Variants in KRT74 observed in about 807,000 individuals in gnomAD.
KRT74 encodes keratin 74, also known as keratin, type II cytoskeletal 74.
A neutral mutation model predicts 42.7 loss-of-function variants in KRT74; 43 were observed. The observed-to-expected ratio is 1.01, with a 90% CI of 0.79 to 1.30. The LOEUF is 1.30. Among genes scored for constraint, KRT74 ranks in the 50% most tolerant of loss-of-function variants. The pLI is 0.00. For missense variants in KRT74, 736 were observed against 689.1 expected, an observed-to-expected ratio of 1.07 and a Z score of -0.76; for synonymous variants, 302 against 279.0, an observed-to-expected ratio of 1.08 and a Z score of -0.82.
rs369555885 is a variant in KRT74, at chr12:52,569,945, C to T, written c.1048G>A (p.Asp350Asn). The T allele has an allele frequency of 1.1e-5, 18 of 1,614,120 alleles. No individual in the cohort carries two copies. The highest frequency in any genetic ancestry group is 9.9e-5 in the South Asian group (9 of 91,082). Residue 350 changes from aspartate to asparagine, a missense_variant, in exon 6 of 9, where the codon GAC becomes AAC. Physicochemically the swap from Asp to Asn is conservative, Grantham distance 23. Coordinates refer to ENST00000305620, the MANE Select transcript of KRT74 (RefSeq NM_175053.4). ...LQLAASRHGDDLKHTRSEMVE... is the reference protein window; with the variant it reads ...LQLAASRHGDNLKHTRSEMVE... Reference sequence around the variant, plus strand: ...ATCTCGCTCCTGGTGTGTTTCAGGTCGTCACCATGCCGACTGGCTGCCAGC... The same window carrying T: ...ATCTCGCTCCTGGTGTGTTTCAGGTTGTCACCATGCCGACTGGCTGCCAGC...
At chr12:52,568,622 T>G in intron 6 of KRT74, 1 of 590,206 alleles carries the variant, frequency 1.7e-6, no homozygotes, top group Non-Finnish European at 3.0e-6. Flanking sequence ...CAGGAAGAAA[T>G]GTCGATGTTT....
chr12:52,568,092 G>T, intron 7 of KRT74, 77 bp downstream of exon 7: 2 of 1,514,174 alleles, frequency 1.3e-6, no homozygotes, highest in East Asian at 4.5e-5. Context: ...TAACCATGTT[G>T]TTCTCCAGGT....
intron 1 of KRT74, 78 bp from the exon 2 acceptor site, chr12:52,572,745 A>C (rs1939510319): frequency 3.0e-6 from 4 of 1,329,318 alleles, no homozygotes; most frequent in South Asian, 2.4e-5. Flanking sequence ...TTGACTCCCC[A>C]GGTTTGCCAT....
Position 52,571,473 on chromosome 12 carries a change from G to A in KRT74, c.748-19C>T, listed in dbSNP as rs750849480. On this transcript the variant is annotated intron_variant, in intron 3 of 8. Coordinates refer to ENST00000305620, the MANE Select transcript of KRT74 (RefSeq NM_175053.4). The stretch of plus-strand genomic sequence containing the variant: ...CTGCATCCTGCCAAGAGGCCCCAGA[G>A]TCATTGGGGGATGCAACCCTCATCC... 2 of 1,581,758 alleles carry A rather than the reference G, an allele frequency of 1.3e-6. No homozygotes were observed. The highest frequency in any genetic ancestry group is 1.1e-5 in the South Asian group (1 of 90,410).
chr12:52,572,264 G>T (rs1939497866), intron 2 of KRT74, among the ~76,000 whole-genome samples, 189 bp downstream of exon 2: 1 of 152,142 alleles, frequency 6.6e-6, no homozygotes, highest in Admixed American at 6.5e-5. Flanking sequence ...CACAGGAACC[G>T]CTTCCTATCA....
rs1471786789 is a variant in KRT74 at position 52,572,666 on chromosome 12, A to G, written c.473T>C (p.Val158Ala). 1 of 1,614,028 alleles carries G rather than the reference A, an allele frequency of 6.2e-7. No homozygotes were observed. Among genetic ancestry groups the G allele is most frequent in the Non-Finnish European group, 8.5e-7 (1 of 1,179,944 alleles). The stretch of plus-strand genomic sequence containing the variant: ...CTGGTTCTGCTGCTCTAGGAAGCGT[A>G]CCTGGAACCCAAATCAACAGACACC... ...NDKFASFIDK[V>A]RFLEQQNQVL... The change falls in exon 2 of 9, where the codon GTA becomes GCA. Residue 158 changes from valine (V) to alanine (A), a missense_variant and splice_region_variant. By Grantham distance (64) the Val-to-Ala change is moderately conservative. Transcript: ENST00000305620.
rs764079554 is a variant in KRT74, at chr12:52,568,269, C to T, written c.1255G>A (p.Ala419Thr). The T allele has an allele frequency of 6.2e-7, 1 of 1,614,208 alleles. No homozygotes were observed. The highest frequency in any genetic ancestry group is 1.1e-5 in the South Asian group (1 of 91,090). Reference protein sequence around the residue: ...GALHQAKEELARMLREYQELM... With the variant: ...GALHQAKEELTRMLREYQELM... Reference sequence around the variant, plus strand: ...TCCTGGTACTCGCGCAGCATCCGCGCCAGCTCCTCCTTGGCCTGGTGCAGG... The same window carrying T: ...TCCTGGTACTCGCGCAGCATCCGCGTCAGCTCCTCCTTGGCCTGGTGCAGG... The change falls in exon 7 of 9, where the codon GCG (alanine) becomes ACG (threonine). Residue 419 changes from alanine to threonine, a missense_variant. Coordinates refer to ENST00000305620, the MANE Select transcript of KRT74 (RefSeq NM_175053.4).
At chr12:52,570,555 G>A in intron 5 of KRT74, 114 bp downstream of exon 5, 4 of 1,159,218 alleles carry the variant, frequency 3.5e-6, no homozygotes, top group Non-Finnish European at 5.1e-6. Context: ...AGCCTTGGTT[G>A]GAACCTTTCT....
At chr12:52,570,120 G>T (rs758718571) in intron 5 of KRT74, 136 bp from the exon 6 acceptor site, 2 of 977,316 alleles carry the variant, frequency 2.0e-6, no homozygotes, top group Non-Finnish European at 3.1e-6. Flanking sequence ...CAGGGTCCTG[G>T]GGGCCCAGGT....
At chr12:52,573,150 C>T (rs1381350803) in intron 1 of KRT74, among the ~76,000 whole-genome samples, 157 bp downstream of exon 1, 4 of 152,186 alleles carry the variant, frequency 2.6e-5, no homozygotes, top group East Asian at 1.9e-4. Context: ...CTTTGTCCTC[C>T]GTGGCTCACA....
At chr12:52,572,739 C>G (rs1592214333) in intron 1 of KRT74, 72 bp from the exon 2 acceptor site, 2 of 1,378,522 alleles carry the variant, frequency 1.5e-6, no homozygotes, top group East Asian at 2.3e-5. Context: ...ACACCATTGA[C>G]TCCCCAGGTT....
At position 52,566,469 on chromosome 12, in the gene KRT74, A is replaced by G. The variant is rs1939383020; in HGVS notation, c.*500T>C. Reference sequence around the variant, plus strand: ...TACAGATGTACACGTGGTGTCCTAAATATTGGCGTCATCCTGCAAAGTTGT... The same window carrying G: ...TACAGATGTACACGTGGTGTCCTAAGTATTGGCGTCATCCTGCAAAGTTGT... On this transcript the variant is annotated 3_prime_UTR_variant, in exon 9 of 9. Transcript: ENST00000305620. 6.5e-6 allele frequency: 1 copy of G among 153,374 alleles called. No individual in the cohort carries two copies. Among genetic ancestry groups the G allele is most frequent in the Admixed American group, 6.5e-5 (1 of 15,322 alleles). 9.5% of individuals were successfully genotyped at this position (153,374 alleles called of 1,614,324 possible).
chr12:52,573,699 C>T lies in KRT74; in HGVS notation c.79G>A (p.Ala27Thr), dbSNP rs779980896. 7.4e-6 allele frequency: 12 copies of T among 1,614,198 alleles called. No individual in the cohort carries two copies. Among genetic ancestry groups the T allele is most frequent in the Non-Finnish European group, 1.0e-5 (12 of 1,180,048 alleles). Residue 27 changes from alanine to threonine, a missense_variant, in exon 1 of 9, where the codon GCT becomes ACT. Transcript: ENST00000305620. ...SVHSAVVPRK[A>T]VGSLASYCAA... The stretch of plus-strand genomic sequence containing the variant: ...CAGTAAGAAGCCAGGCTACCCACAG[C>T]CTTCCTTGGCACCACTGCCGAATGC...
rs556961997 is a variant in KRT74 at position 52,571,574 on chromosome 12, A to G, written c.748-120T>C. On this transcript the variant is annotated intron_variant, in intron 3 of 8. Coordinates refer to ENST00000305620, the MANE Select transcript of KRT74 (RefSeq NM_175053.4). ...TCTACCCACAAAGGAAAGCTCACTC[A>G]ATATCAATTTCTTCTCAGGCTGCCT... 1.8e-5 allele frequency: 14 copies of G among 760,346 alleles called. No individual in the cohort carries two copies. The African/African-American group carries it at 2.2e-4, about 12-fold the overall frequency. The allele number at this position is 760,346 out of a possible 1,614,324, so 47.1% of individuals were successfully genotyped here.
Position 52,573,415 on chromosome 12 carries a change from G to T in KRT74, c.363C>A (p.Leu121=), listed in dbSNP as rs1358925791. 7 of 1,614,198 alleles carry T rather than the reference G, an allele frequency of 4.3e-6. No homozygotes were observed. The highest frequency in any genetic ancestry group is 5.9e-6 in the Non-Finnish European group (7 of 1,180,048). The change falls in exon 1 of 9, where the codon CTC becomes CTA. Residue 121 remains leucine, a synonymous_variant. Coordinates refer to ENST00000305620, the MANE Select transcript of KRT74 (RefSeq NM_175053.4). ...GIHQVTVNKS[L]LAPLNVELDP... The stretch of plus-strand genomic sequence containing the variant: ...CCAGCTCCACGTTGAGGGGGGCCAA[G>T]AGGCTCTTGTTGACAGTGACCTGGT...
intron 6 of KRT74, among the ~76,000 whole-genome samples, chr12:52,569,110 G>A (rs925198302): frequency 2.6e-5 from 4 of 152,162 alleles, no homozygotes; most frequent in African/African-American, 9.7e-5. Flanking sequence ...AAGGAGAACA[G>A]GCTCAGATCT....
chr12:52,567,230 G>A, intron 8 of KRT74, 62 bp from the exon 9 acceptor site: 1 of 1,376,920 alleles, frequency 7.3e-7, no homozygotes, highest in South Asian at 1.4e-5. Context: ...TAACAGCTAT[G>A]GTAACGGCTG....
Position 52,572,631 on chromosome 12 carries a change from T to C in KRT74, c.508A>G (p.Thr170Ala). The change falls in exon 2 of 9, where the codon ACC (threonine) becomes GCC (alanine). Residue 170 changes from threonine to alanine, a missense_variant. Physicochemically the swap from Thr to Ala is moderately conservative, Grantham distance 58 (BLOSUM62 0). Transcript: ENST00000305620. ...AGCTGCTGCAGCAGCTCCCACTTGG[T>C]TTCTAGAACCTGGTTCTGCTGCTCT... is the stretch of plus-strand genomic sequence containing the variant. ...FLEQQNQVLE[T>A]KWELLQQLDL... The C allele has an allele frequency of 1.2e-6, 2 of 1,614,166 alleles. No individual in the cohort carries two copies. The highest frequency in any genetic ancestry group is 2.2e-5 in the South Asian group (2 of 91,076).
In KRT74 at chr12:52,570,633, A is replaced by G. The variant is rs657102; in HGVS notation, c.1008+36T>C. The G allele has an allele frequency of 0.77, 1,240,803 of 1,611,690 alleles. 480,714 individuals are homozygous for G. The highest frequency in any genetic ancestry group is 0.96 in the African/African-American group (71,916 of 75,030). On this transcript the variant is annotated intron_variant, in intron 5 of 8. Transcript: ENST00000305620. ...GCAGGTGACCCCTCCCAGGAAGCGA[A>G]GGGCTGCTGTGGGAGGAGACCCATT... is the stretch of plus-strand genomic sequence containing the variant.
Sources: allele counts gnomAD v4.1 joint callset (sites outside exome capture counted in the v4.1 genomes callset), GRCh38; gene constraint gnomAD v4.1.1; transcripts MANE v1.5; gene names NCBI Gene and HGNC (gene_info 2026-07-23, HGNC 2026-07-21).